TSHR: variants seen among roughly 807,000 people sequenced by gnomAD.
TSHR encodes the protein thyrotropin receptor.
In TSHR, 51 loss-of-function variants were observed where a neutral mutation model predicts 64.1. That is an observed-to-expected ratio of 0.80 (90% CI 0.64 to 1.01). The LOEUF (loss-of-function observed/expected upper bound fraction) is 1.01. Among genes scored for constraint, TSHR ranks in the 50% least tolerant of loss-of-function variants. TSHR has a pLI of 0.00. For missense variants in TSHR, 877 were observed against 942.8 expected (o/e 0.93, Z 0.91); for synonymous variants, 361 against 361.9 (o/e 1.00, Z 0.03).
intron 1 of TSHR, among the ~76,000 whole-genome samples, chr14:81,009,704 T>C (rs2139774490): frequency 6.6e-6 from 1 of 152,270 alleles, no homozygotes; most frequent in East Asian, 1.9e-4. Context: ...TGTTGATGCA[T>C]GTAGTCTAGT....
intron 8 of TSHR, among the ~76,000 whole-genome samples, chr14:81,118,642 C>T (rs1890639968): frequency 6.6e-6 from 1 of 152,218 alleles, no homozygotes; most frequent in Admixed American, 6.5e-5. Context: ...CATCAAGCTA[C>T]CAATGACTTT....
At chr14:81,138,187 A>AT (rs368195048) in intron 8 of TSHR, among the ~76,000 whole-genome samples, 19,527 of 130,356 alleles carry the variant, frequency 0.15, 2,077 homozygotes, top group African/African-American at 0.26. Context: ...GCCAAGGGTA[A>AT]TTTTTTTTTT....
chr14:81,052,609 T>C (rs554414607), intron 1 of TSHR: 1 of 152,322 alleles, frequency 6.6e-6, no homozygotes, highest in East Asian at 1.9e-4. Flanking sequence ...AGGATTGCAC[T>C]GAATCTGGAG....
At chr14:81,048,646 T>A (rs1335854856) in intron 1 of TSHR, among the ~76,000 whole-genome samples, 1 of 152,176 alleles carries the variant, frequency 6.6e-6, no homozygotes, top group Non-Finnish European at 1.5e-5. Flanking sequence ...TACAAGTTAT[T>A]ATAAAATAAA....
At chr14:81,047,664 C>CTTTTTTTTTT (rs11462189) in intron 1 of TSHR, among the ~76,000 whole-genome samples, 10 of 135,480 alleles carry the variant, frequency 7.4e-5, no homozygotes, top group African/African-American at 2.7e-4. Flanking sequence ...TTCATTGGCT[C>CTTTTTTTTTT]TTTTTTTTTT....
At chr14:81,078,374 G>A (rs1332126980) in intron 3 of TSHR, among the ~76,000 whole-genome samples, 1 of 152,110 alleles carries the variant, frequency 6.6e-6, no homozygotes, top group African/African-American at 2.4e-5. Flanking sequence ...TTTCTGAGGA[G>A]TAGTCGTATC....
chr14:81,103,859 T>C lies in TSHR; in HGVS notation c.615-4516T>C. 1 of 985,484 alleles carries C rather than the reference T, an allele frequency of 1.0e-6. No homozygotes were observed. The highest frequency in any genetic ancestry group is 1.2e-6 in the Non-Finnish European group (1 of 829,936). The allele number at this position is 985,484 out of a possible 1,614,324, so 61.0% of individuals were successfully genotyped here. Reference sequence around the variant, plus strand: ...TTGTCAAACTCTAGTAACTAGCTACTATCTGACAGTAAACATTTAGGCAGG... The same window carrying C: ...TTGTCAAACTCTAGTAACTAGCTACCATCTGACAGTAAACATTTAGGCAGG... On this transcript the variant is annotated intron_variant, in intron 7 of 9. Transcript: ENST00000298171. The surrounding 1 kb of genome is among the most constrained non-coding windows in gnomAD (Gnocchi z 4.1).
chr14:81,014,038 T>G (rs944422454), intron 1 of TSHR: 1 of 152,236 alleles, frequency 6.6e-6, no homozygotes, highest in Non-Finnish European at 1.5e-5. Flanking sequence ...AAATTCATCA[T>G]AATTTGAGAA....
intron 3 of TSHR, among the ~76,000 whole-genome samples, chr14:81,070,625 C>CAAAAAAAAAA (rs60958301): frequency 6.3e-5 from 1 of 15,808 alleles, no homozygotes; most frequent in African/African-American, 1.9e-4. Flanking sequence ...GATTCCATCT[C>CAAAAAAAAAA]AAAAAAAAAA....
In TSHR at chr14:81,104,905, G is replaced by A. The variant is rs954847858; in HGVS notation, c.615-3470G>A. 4 of 985,288 alleles carry A rather than the reference G, an allele frequency of 4.1e-6. No homozygotes were observed. The African/African-American group carries it at 7.0e-5, about 17-fold the overall frequency. 61.0% of individuals were successfully genotyped at this position (985,288 alleles called of 1,614,324 possible). A position where few individuals can be genotyped will look rare whatever the true frequency, so the allele number is the denominator to read the frequency against. ...GAAAAGCTGTTGAACACATAGAGAT[G>A]TAGCCATGTCTATCTTATTTTTAAA... is the stretch of plus-strand genomic sequence containing the variant. On this transcript the variant is annotated intron_variant, in intron 7 of 9. Transcript: ENST00000298171.
chr14:81,087,917 T>C, intron 3 of TSHR, 37 bp from the exon 4 acceptor site: 4 of 1,359,862 alleles, frequency 2.9e-6, no homozygotes, highest in Non-Finnish European at 4.2e-6. Flanking sequence ...CAGATACGGA[T>C]GCATTATAGT....
chr14:81,082,637 AAATTG>A (rs1448981334), intron 3 of TSHR, among the ~76,000 whole-genome samples: 70 of 144,040 alleles, frequency 4.9e-4, no homozygotes, highest in African/African-American at 2.0e-3. Flanking sequence ...ATTGAAAATC[AAATTG>A]AAACAAGAGT....
chr14:80,991,408 T>G (rs1888719553), intron 1 of TSHR: 2 of 384,042 alleles, frequency 5.2e-6, no homozygotes, highest in Non-Finnish European at 9.2e-6. Flanking sequence ...AACTCAGGTT[T>G]GTTTTAAAAG....
intron 4 of TSHR, among the ~76,000 whole-genome samples, chr14:81,090,747 TCACA>T (rs374517515): frequency 6.6e-6 from 1 of 151,276 alleles, no homozygotes; most frequent in East Asian, 1.9e-4. Flanking sequence ...AACGAGAAAA[TCACA>T]CACACACACA....
rs1214777326 is a variant in TSHR at position 81,016,377 on chromosome 14, T to G, written c.171-45771T>G. 2.0e-5 allele frequency among the ~76,000 whole-genome samples: 3 copies of G among 152,222 alleles called. No homozygotes were observed. The East Asian group carries it at 5.8e-4, about 29-fold the overall frequency. ...GTGTTTCCCTGTTGATTAATGATGT[T>G]GAGCATTTTTAAATGTTTCTGTTGG... On this transcript the variant is annotated intron_variant, in intron 1 of 9. Coordinates refer to ENST00000298171, the MANE Select transcript of TSHR (RefSeq NM_000369.5).
intron 7 of TSHR, among the ~76,000 whole-genome samples, chr14:81,097,062 G>A (rs1326044309): frequency 6.6e-6 from 1 of 151,844 alleles, no homozygotes; most frequent in Non-Finnish European, 1.5e-5. Flanking sequence ...CATGTTTTTG[G>A]GAAAGATGTC....
At chr14:80,969,720 A>T (rs1887501741) in intron 1 of TSHR, among the ~76,000 whole-genome samples, 1 of 152,216 alleles carries the variant, frequency 6.6e-6, no homozygotes, top group African/African-American at 2.4e-5. Flanking sequence ...AAAATGAGTC[A>T]TCTAGTCTAC....
At chr14:81,070,902 C>T (rs373602195) in intron 3 of TSHR, among the ~76,000 whole-genome samples, 3 of 152,090 alleles carry the variant, frequency 2.0e-5, no homozygotes, top group South Asian at 4.1e-4. Flanking sequence ...ATTACTAAGA[C>T]AAAAGGAAAG....
At chr14:80,982,491 G>A (rs1462254926) in intron 1 of TSHR, 5 of 1,054,424 alleles carry the variant, frequency 4.7e-6, no homozygotes, top group Admixed American at 2.6e-5. Flanking sequence ...CTGAGGAAGA[G>A]GAGGAAGAGA....
Sources: allele counts gnomAD v4.1 joint callset (sites outside exome capture counted in the v4.1 genomes callset), GRCh38; gene constraint gnomAD v4.1.1; non-coding constraint Gnocchi (gnomAD v3.1); transcripts MANE v1.5; gene names NCBI Gene and HGNC (gene_info 2026-07-23, HGNC 2026-07-21).